Variants in OTOF observed in about 807,000 individuals in gnomAD.
OTOF encodes fer-1-like family member 2.
Under a neutral mutation model 236.8 loss-of-function variants are expected in OTOF, and 218 were observed. That is an observed-to-expected ratio of 0.92 (90% CI 0.82 to 1.03). The LOEUF (loss-of-function observed/expected upper bound fraction) is 1.03. Among genes scored for constraint, OTOF ranks in the 50% least tolerant of loss-of-function variants. OTOF has a pLI of 0.00. For missense variants in OTOF, 2,590 were observed against 2,694.4 expected, an observed-to-expected ratio of 0.96 and a Z score of 0.86; for synonymous variants, 1,041 against 1,072.5, an observed-to-expected ratio of 0.97 and a Z score of 0.57.
At position 26,516,446 on chromosome 2, in the gene OTOF, G is replaced by A. The variant is rs377378925; in HGVS notation, c.481C>T (p.Arg161Trp). ...GLLPGSRPSSRPPGEKSFRRA... is the reference protein window; with the variant it reads ...GLLPGSRPSSWPPGEKSFRRA... ...CGGAAGCTCTTCTCTCCTGGGGGCC[G>A]GGAGCTGGGCCGGGAGCCTGGGAGC... Residue 161 changes from arginine (R) to tryptophan (W), a missense_variant, in exon 5 of 47, where the codon CGG becomes TGG. Transcript: ENST00000272371. 2.2e-5 allele frequency: 35 copies of A among 1,613,762 alleles called. No homozygotes were observed. In the Admixed American group the frequency reaches 3.2e-4, roughly 15 times the overall value.
At chr2:26,538,174 G>T (rs1489212552) in intron 1 of OTOF, among the ~76,000 whole-genome samples, 3 of 152,210 alleles carry the variant, frequency 2.0e-5, no homozygotes, top group Non-Finnish European at 4.4e-5. Flanking sequence ...CTGAGCAGAA[G>T]CCTAGTATAG....
Position 26,479,245 on chromosome 2 carries a change from C to A in OTOF, c.2214+19G>T. On this transcript the variant is annotated intron_variant, in intron 18 of 46. Transcript: ENST00000272371. ...TCCCCCAGGACCCCACCCCTGCTGG[C>A]CCCTGGCCTGGCCCTGACCAGCTTG... is the stretch of plus-strand genomic sequence containing the variant. The A allele has an allele frequency of 6.2e-7, 1 of 1,611,990 alleles. No homozygotes were observed. Among genetic ancestry groups the A allele is most frequent in the Non-Finnish European group, 8.5e-7 (1 of 1,179,684 alleles).
rs777658929 is a variant in OTOF, at chr2:26,471,145, A to T, written c.3870T>A (p.Ser1290=). The change falls in exon 31 of 47, where the codon TCT becomes TCA. Residue 1290 remains serine (S), a synonymous_variant. Transcript: ENST00000272371. ...LETMVKLDAT[S]EAVVKVDVAE... is the part of the protein sequence containing the mutation. ...CCACATCCACCTTGACAACAGCTTC[A>T]GAAGTCTGCAGAGGAACCAAGGAGA... 6.2e-7 allele frequency: 1 copy of T among 1,614,082 alleles called. No homozygotes were observed. Among genetic ancestry groups the T allele is most frequent in the Admixed American group, 1.7e-5 (1 of 60,028 alleles).
intron 46 of OTOF, among the ~76,000 whole-genome samples, chr2:26,458,578 C>T (rs1051121356): frequency 1.3e-5 from 2 of 152,160 alleles, no homozygotes; most frequent in Non-Finnish European, 2.9e-5. Flanking sequence ...TTCACAACCT[C>T]TTCCTTTCTG....
At chr2:26,534,892 C>T (rs545043447) in intron 2 of OTOF, among the ~76,000 whole-genome samples, 2 of 152,310 alleles carry the variant, frequency 1.3e-5, no homozygotes, top group East Asian at 1.9e-4. Flanking sequence ...TTTGAAAGGG[C>T]TCTTTCCCAG....
chr2:26,482,444 A>G lies in OTOF; in HGVS notation c.1541T>C (p.Phe514Ser). 1 of 1,613,370 alleles carries G rather than the reference A, an allele frequency of 6.2e-7. No homozygotes were observed. The highest frequency in any genetic ancestry group is 8.5e-7 in the Non-Finnish European group (1 of 1,180,024). The change falls in exon 14 of 47, where the codon TTC (phenylalanine) becomes TCC (serine). Residue 514 changes from phenylalanine (F) to serine (S), a missense_variant. This residue lies in a region of OTOF where 1,379 missense variants were observed against 1,341.6 expected (regional missense o/e 1.03). Coordinates refer to ENST00000272371, the MANE Select transcript of OTOF (RefSeq NM_194248.3). ...KVNDVAIGTH[F>S]IDLRKISNDG... ...ATTAGAAATCTTGCGCAGGTCAATG[A>G]AGTGGGTGCCGATGGCCACGTCGTT...
chr2:26,551,897 A>G (rs560127175), intron 1 of OTOF, among the ~76,000 whole-genome samples: 1 of 152,190 alleles, frequency 6.6e-6, no homozygotes, highest in Admixed American at 6.5e-5. Flanking sequence ...TGTACTGAAT[A>G]TTTACAGATG....
At position 26,535,490 on chromosome 2, in the gene OTOF, C is replaced by T. The variant is rs1374817174; in HGVS notation, c.138+2226G>A. On this transcript the variant is annotated intron_variant, in intron 2 of 46. Transcript: ENST00000272371. Reference sequence around the variant, plus strand: ...TTCTGCATCCTTGCTCCCCACCCCACTAAATGCCAGTAGGCTCCTCATTGC... The same window carrying T: ...TTCTGCATCCTTGCTCCCCACCCCATTAAATGCCAGTAGGCTCCTCATTGC... 3.3e-5 allele frequency among the ~76,000 whole-genome samples: 5 copies of T among 152,200 alleles called. No homozygotes were observed. In the East Asian group the frequency reaches 9.6e-4, roughly 29 times the overall value.
intron 30 of OTOF, among the ~76,000 whole-genome samples, chr2:26,471,577 G>GA (rs144087280): frequency 0.039 from 6,014 of 152,316 alleles, 174 homozygotes; most frequent in East Asian, 0.14. Flanking sequence ...GAATGGCTGG[G>GA]ATGGAAAACC....
At chr2:26,512,700 G>A (rs1666420492) in intron 5 of OTOF, among the ~76,000 whole-genome samples, 1 of 152,204 alleles carries the variant, frequency 6.6e-6, no homozygotes, top group Non-Finnish European at 1.5e-5. Context: ...TGGGGAGCAA[G>A]AGCTGAGAAG....
chr2:26,489,095 C>T (rs1447979009), intron 11 of OTOF, 116 bp downstream of exon 11: 4 of 765,324 alleles, frequency 5.2e-6, no homozygotes, highest in Non-Finnish European at 9.0e-6. Context: ...TAACAGTCGC[C>T]AGACTGTGGT....
At chr2:26,501,919 T>C in intron 7 of OTOF, 111 bp from the exon 8 acceptor site, 1 of 812,344 alleles carries the variant, frequency 1.2e-6, no homozygotes, top group Non-Finnish European at 2.2e-6. Flanking sequence ...AATCATGGTC[T>C]TTAAACACTC....
In OTOF at chr2:26,538,205, C is replaced by T. The variant is rs149259332; in HGVS notation, c.80-431G>A. Among the ~76,000 whole-genome samples the T allele has an allele frequency of 1.6e-4, 24 of 152,344 alleles. No homozygotes were observed. In the East Asian group the frequency reaches 4.2e-3, roughly 27 times the overall value. ...TATAGGGGGCGTAGCCCCTGCCTGC[C>T]GACAGGGGTCTGTGAAGCCCAGCCT... On this transcript the variant is annotated intron_variant, in intron 1 of 46. Coordinates refer to ENST00000272371, the MANE Select transcript of OTOF (RefSeq NM_194248.3).
At position 26,462,166 on chromosome 2, in the gene OTOF, G is replaced by A. The variant is rs560641329; in HGVS notation, c.5208C>T (p.Val1736=). 6.2e-7 allele frequency: 1 copy of A among 1,613,858 alleles called. No individual in the cohort carries two copies. Among genetic ancestry groups the A allele is most frequent in the African/African-American group, 1.3e-5 (1 of 75,010 alleles). ...PRKPKKYELR[V]IIWNTDEVVL... The stretch of plus-strand genomic sequence containing the variant: ...CCACCTCATCTGTGTTCCAGATGAT[G>A]ACCCGCAGCTCGTACCTGGGCCCAG... The change falls in exon 42 of 47, where the codon GTC becomes GTT. Residue 1736 remains valine (V), a synonymous_variant. Transcript: ENST00000272371. This position sits in a 1 kb window ranked among gnomAD's most constrained non-coding sequence, Gnocchi z 4.7.
chr2:26,469,189 C>A (rs537037211), intron 32 of OTOF, among the ~76,000 whole-genome samples: 1 of 152,172 alleles, frequency 6.6e-6, no homozygotes, highest in African/African-American at 2.4e-5. Flanking sequence ...AGAAAATGTA[C>A]TATATTTTCT....
In OTOF at chr2:26,473,237, G is replaced by T. The variant is rs397517945; in HGVS notation, c.3628C>A (p.Arg1210=). ...PPLNIRVVDC[R]AFGRYTLVGS... ...ACCAGTGTGTAGCGACCGAAGGCCC[G>T]GCAGTCCACCACACGGATGTTCAAG... The change falls in exon 29 of 47, where the codon CGG becomes AGG. Residue 1210 remains arginine (R), a synonymous_variant. Coordinates refer to ENST00000272371, the MANE Select transcript of OTOF (RefSeq NM_194248.3). This position sits in a 1 kb window ranked among gnomAD's most constrained non-coding sequence, Gnocchi z 7.2. 1.9e-5 allele frequency: 31 copies of T among 1,613,260 alleles called. No homozygotes were observed. The highest frequency in any genetic ancestry group is 2.5e-5 in the Non-Finnish European group (29 of 1,179,988).
chr2:26,499,920 T>C (rs542213219), intron 8 of OTOF, among the ~76,000 whole-genome samples: 1 of 152,372 alleles, frequency 6.6e-6, no homozygotes, highest in African/African-American at 2.4e-5. Context: ...AACACTATGC[T>C]ACCAGGTTAA....
intron 34 of OTOF, 44 bp from the exon 35 acceptor site, chr2:26,467,277 G>A (rs1335151970): frequency 2.5e-6 from 4 of 1,613,950 alleles, no homozygotes; most frequent in East Asian, 4.5e-5. Context: ...CTGGTCTCTG[G>A]CTTTTGTCCT....
Position 26,461,592 on chromosome 2 carries a change from A to T in OTOF, c.5533+104T>A. 1 of 1,495,312 alleles carries T rather than the reference A, an allele frequency of 6.7e-7. No homozygotes were observed. The highest frequency in any genetic ancestry group is 9.2e-7 in the Non-Finnish European group (1 of 1,091,070). 92.6% of individuals were successfully genotyped at this position (1,495,312 alleles called of 1,614,324 possible). A position where few individuals can be genotyped will look rare whatever the true frequency, so the allele number is the denominator to read the frequency against. ...TGGCTCTGATGGACTGGAAGCAATG[A>T]CCCCTTGTCCCCCCAAGGCAGGGCT... is the stretch of plus-strand genomic sequence containing the variant. On this transcript the variant is annotated intron_variant, in intron 43 of 46. Coordinates refer to ENST00000272371, the MANE Select transcript of OTOF (RefSeq NM_194248.3). The surrounding 1 kb of genome is among the most constrained non-coding windows in gnomAD (Gnocchi z 6.2).
Sources: gnomAD v4.1 joint callset for allele counts (sites outside exome capture counted in the v4.1 genomes callset) on GRCh38, gnomAD v4.1.1 for gene constraint, gnomAD v4.1.1 regional missense constraint, Gnocchi (gnomAD v3.1) non-coding constraint, MANE v1.5 for transcripts, NCBI Gene and HGNC (gene_info 2026-07-23, HGNC 2026-07-21) for gene names.